The following ZNF44 variants were observed in gnomAD, a reference collection of about 807,000 sequenced individuals.
ZNF44 encodes the protein gonadotropin inducible transcription repressor-2.
ZNF44 carries 9 observed loss-of-function variants against 11.7 expected under a neutral mutation model. The ratio of observed to expected loss-of-function variants is 0.77; its 90% CI spans 0.46 to 1.35. The LOEUF is 1.35. Ranked by LOEUF, ZNF44 falls within the 40% of genes most tolerant of loss-of-function variation. ZNF44 has a pLI of 0.00. For synonymous variants in ZNF44, 224 were observed against 242.7 expected (o/e 0.92, Z 0.72); for missense variants, 696 against 743.1 (o/e 0.94, Z 0.74).
chr19:12,268,133 C>CACACACACAG (rs1466434015), downstream of ZNF44, among the ~76,000 whole-genome samples: 4 of 135,648 alleles, frequency 2.9e-5, no homozygotes, highest in Admixed American at 7.7e-5. Context: ...GGTGTTCTTA[C>CACACACACAG]ACACACACAC....
intron 3 of ZNF44, 96 bp downstream of exon 3, chr19:12,274,877 C>T: frequency 1.2e-6 from 1 of 810,894 alleles, no homozygotes; most frequent in Non-Finnish European, 1.9e-6. Context: ...TAAATTTAAG[C>T]TGGGCTTGTT....
intron 1 of ZNF44, among the ~76,000 whole-genome samples, chr19:12,290,106 C>A (rs1967944339): frequency 6.6e-6 from 1 of 152,034 alleles, no homozygotes; most frequent in Admixed American, 6.6e-5. Flanking sequence ...GGCTCTTTGG[C>A]TGGGCGTGGT....
At chr19:12,240,444 CAAA>C (rs56300338), upstream of ZNF44, among the ~76,000 whole-genome samples, 4 of 102,358 alleles carry the variant, frequency 3.9e-5, no homozygotes, top group Non-Finnish European at 2.0e-5. Context: ...GATTCTATCT[CAAA>C]AAAAAAAAAA....
intron 2 of ZNF44, among the ~76,000 whole-genome samples, chr19:12,233,809 A>C (rs2145677461): frequency 6.6e-6 from 1 of 152,278 alleles, no homozygotes; most frequent in East Asian, 1.9e-4. Flanking sequence ...CACACCTGTA[A>C]TCCCAGCACT....
At chr19:12,253,192 T>TC (rs1390443982) in intron 5 of ZNF44, among the ~76,000 whole-genome samples, 2 of 147,150 alleles carry the variant, frequency 1.4e-5, no homozygotes, top group Non-Finnish European at 3.0e-5. Context: ...CCTGGCTTTT[T>TC]TTTTTTTTTT....
chr19:12,245,009 G>C (rs73505822), downstream of ZNF44, among the ~76,000 whole-genome samples: 444 of 152,308 alleles, frequency 2.9e-3, 1 homozygote, highest in African/African-American at 0.01. Context: ...TGTGATTCTA[G>C]TGGTCTCTGG....
intron 1 of ZNF44, among the ~76,000 whole-genome samples, chr19:12,235,497 T>C (rs1444867091): frequency 6.6e-6 from 1 of 152,154 alleles, no homozygotes; most frequent in Non-Finnish European, 1.5e-5. Context: ...CAAAACTAGA[T>C]AGATACATTA....
chr19:12,266,774 T>A (rs1006945906), intron 5 of ZNF44, among the ~76,000 whole-genome samples: 2 of 152,200 alleles, frequency 1.3e-5, no homozygotes, highest in African/African-American at 4.8e-5. Flanking sequence ...AACTTGCTCC[T>A]GGCTTTCCAG....
At chr19:12,250,053 C>G in intron 6 of ZNF44, 1 of 1,275,392 alleles carries the variant, frequency 7.8e-7, no homozygotes, top group Non-Finnish European at 1.0e-6. Context: ...AATGCAGACC[C>G]AGAAAAAATT....
At chr19:12,267,752 A>C (rs1310607781), downstream of ZNF44, among the ~76,000 whole-genome samples, 2 of 152,052 alleles carry the variant, frequency 1.3e-5, no homozygotes, top group African/African-American at 2.4e-5. Flanking sequence ...GTTCTGCCCT[A>C]AACTGTCAAC....
chr19:12,288,774 G>GTATATATATATATATATATATATA lies in ZNF44; in HGVS notation c.3+5894_3+5917dup, dbSNP rs55971577. Reference sequence around the variant, plus strand: ...CTCCGTCTCAAAAAAAAAAAAAAATGTATATATATATATATATATATATAT... The same window carrying GTATATATATATATATATATATATA: ...CTCCGTCTCAAAAAAAAAAAAAAATGTATATATATATATATATATATATATATATATATATATATATATATATAT... On this transcript the variant is annotated intron_variant, in intron 1 of 3. Coordinates refer to ENST00000355684, the MANE Select transcript of ZNF44 (RefSeq NM_016264.4). Among the ~76,000 whole-genome samples, 70 of 76,798 alleles carry GTATATATATATATATATATATATA rather than the reference G, an allele frequency of 9.1e-4. 4 individuals carry two copies. Among genetic ancestry groups the GTATATATATATATATATATATATA allele is most frequent in the African/African-American group, 2.5e-3 (28 of 11,060 alleles). 50.4% of individuals were successfully genotyped at this position (76,798 alleles called of 152,430 possible). A position where few individuals can be genotyped will look rare whatever the true frequency, so the allele number is the denominator to read the frequency against.
At chr19:12,267,205 A>C (rs1917769587), downstream of ZNF44, among the ~76,000 whole-genome samples, 2 of 151,572 alleles carry the variant, frequency 1.3e-5, no homozygotes, top group African/African-American at 4.9e-5. Context: ...CCACCACACC[A>C]GGCTAATTTT....
downstream of ZNF44, among the ~76,000 whole-genome samples, chr19:12,225,524 T>C (rs1392060864): frequency 2.0e-5 from 3 of 152,190 alleles, no homozygotes; most frequent in Non-Finnish European, 4.4e-5. Flanking sequence ...AGGTGCTGGT[T>C]TGGAAAGGCC....
chr19:12,275,624 C>A (rs149897648), intron 2 of ZNF44, among the ~76,000 whole-genome samples: 1 of 151,716 alleles, frequency 6.6e-6, no homozygotes, highest in Non-Finnish European at 1.5e-5. Context: ...CCAGCCTGGG[C>A]GACAGAGCAA....
At chr19:12,254,022 C>T (rs936891544) in intron 5 of ZNF44, among the ~76,000 whole-genome samples, 3 of 151,850 alleles carry the variant, frequency 2.0e-5, no homozygotes, top group African/African-American at 7.3e-5. Flanking sequence ...CTGAATAGCA[C>T]CAAACAATAG....
At chr19:12,255,058 C>G (rs1337135173) in intron 5 of ZNF44, among the ~76,000 whole-genome samples, 2 of 149,798 alleles carry the variant, frequency 1.3e-5, no homozygotes, top group Non-Finnish European at 3.0e-5. Context: ...CACTGCACTC[C>G]AGCCTGGGTG....
chr19:12,257,135 G>C (rs563092492), intron 5 of ZNF44, among the ~76,000 whole-genome samples: 17 of 152,148 alleles, frequency 1.1e-4, no homozygotes, highest in Non-Finnish European at 2.2e-4. Context: ...GATAAAGGTG[G>C]ACCACATCCC....
rs111378521 is a variant in ZNF44, at chr19:12,289,853, G to A, written c.3+4839C>T. Among the ~76,000 whole-genome samples, 807 of 151,904 alleles carry A rather than the reference G, an allele frequency of 5.3e-3. 5 individuals carry two copies. The highest frequency in any genetic ancestry group is 0.018 in the African/African-American group (759 of 41,472). ...TCACCATGTTAGCCAGGATGGTCAC[G>A]ATCTCCGGACCTTGCAATCCGCCTG... On this transcript the variant is annotated intron_variant, in intron 1 of 3. Transcript: ENST00000355684.
At chr19:12,294,616 TC>T in intron 1 of ZNF44, 75 bp downstream of exon 1, 1 of 1,527,552 alleles carries the variant, frequency 6.5e-7, no homozygotes, top group Non-Finnish European at 8.8e-7. Context: ...GAGGCCCGGG[TC>T]CCGCCACAGC....
Sources: gnomAD v4.1 joint callset for allele counts (sites outside exome capture counted in the v4.1 genomes callset) on GRCh38, gnomAD v4.1.1 for gene constraint, MANE v1.5 for transcripts, NCBI Gene and HGNC (gene_info 2026-07-23, HGNC 2026-07-21) for gene names.